Variants in TRPM6 observed in about 807,000 individuals in gnomAD.
TRPM6 encodes the protein channel kinase 2.
A neutral mutation model predicts 247.6 loss-of-function variants in TRPM6; 111 were observed. That is an observed-to-expected ratio of 0.45 (90% CI 0.38 to 0.52). TRPM6 has a LOEUF of 0.52. Ranked by LOEUF, TRPM6 falls within the 20% of genes least tolerant of loss-of-function variation. The pLI, the probability that TRPM6 is intolerant of heterozygous loss-of-function variation, is 0.00. For missense variants in TRPM6, 2,126 were observed against 2,421.5 expected, an observed-to-expected ratio of 0.88 and a Z score of 2.56; for synonymous variants, 892 against 853.8, an observed-to-expected ratio of 1.04 and a Z score of -0.78.
chr9:74,882,084 A>C (rs1831382666), intron 1 of TRPM6, among the ~76,000 whole-genome samples: 1 of 152,212 alleles, frequency 6.6e-6, no homozygotes. Context: ...GCAAGACTTC[A>C]ACTATAAAGA....
intron 11 of TRPM6, 78 bp from the exon 12 acceptor site, chr9:74,812,511 C>A: frequency 3.0e-5 from 36 of 1,189,348 alleles, no homozygotes; most frequent in East Asian, 5.8e-5. Context: ...TTTTTGAACT[C>A]AAAATTACAC....
rs1416413858 is a variant in TRPM6 at position 74,762,933 on chromosome 9, G to A, written c.3738C>T (p.Cys1246=). The change falls in exon 26 of 39, where the codon TGC becomes TGT. Residue 1246 remains cysteine, a synonymous_variant. Coordinates refer to ENST00000360774, the MANE Select transcript of TRPM6 (RefSeq NM_017662.5). ...ALLAKRKHST[C]KKLPHSWSNV... ...TGCTCCAGCTGTGGGGAAGTTTTTT[G>A]CAAGTAGAATGCTTTCTCTTGGCCA... 10 of 1,604,748 alleles carry A rather than the reference G, an allele frequency of 6.2e-6. No individual in the cohort carries two copies. The highest frequency in any genetic ancestry group is 8.5e-6 in the Non-Finnish European group (10 of 1,174,578).
chr9:74,771,546 A>C (rs1564006471), intron 25 of TRPM6, among the ~76,000 whole-genome samples, 157 bp downstream of exon 25: 1 of 152,246 alleles, frequency 6.6e-6, no homozygotes, highest in Non-Finnish European at 1.5e-5. Context: ...CTTAATAAAT[A>C]TACTTTGATT....
chr9:74,870,546 T>G (rs1830988874), intron 1 of TRPM6, among the ~76,000 whole-genome samples: 1 of 152,214 alleles, frequency 6.6e-6, no homozygotes, highest in South Asian at 2.1e-4. Flanking sequence ...TTGTTCTCCC[T>G]GGGTGAGTGA....
intron 1 of TRPM6, among the ~76,000 whole-genome samples, chr9:74,884,358 G>A (rs924574736): frequency 5.4e-5 from 8 of 148,958 alleles, no homozygotes; most frequent in African/African-American, 7.4e-5. Flanking sequence ...GCGTGGTGGC[G>A]GGTGCCTGTA....
chr9:74,852,666 AT>A (rs1333414476), intron 3 of TRPM6, among the ~76,000 whole-genome samples: 2 of 151,926 alleles, frequency 1.3e-5, no homozygotes, highest in Non-Finnish European at 2.9e-5. Context: ...TGGTTTTTGT[AT>A]TTTTTGGTGG....
intron 19 of TRPM6, 60 bp from the exon 20 acceptor site, chr9:74,788,802 G>A: frequency 2.5e-6 from 4 of 1,599,468 alleles, no homozygotes; most frequent in Non-Finnish European, 3.4e-6. Context: ...GCATGCCAAG[G>A]AGACGCAGAT....
intron 15 of TRPM6, among the ~76,000 whole-genome samples, chr9:74,803,399 A>G (rs1828414134): frequency 6.6e-6 from 1 of 152,196 alleles, no homozygotes; most frequent in Non-Finnish European, 1.5e-5. Context: ...TTAAAAAAAG[A>G]TGCAAAAAGT....
intron 1 of TRPM6, among the ~76,000 whole-genome samples, chr9:74,869,943 T>C (rs1318371152): frequency 6.6e-6 from 1 of 152,172 alleles, no homozygotes; most frequent in East Asian, 1.9e-4. Context: ...GACCTTATTA[T>C]CCATGTTCTA....
chr9:74,809,805 C>G (rs1455656992), intron 13 of TRPM6, among the ~76,000 whole-genome samples: 2 of 151,662 alleles, frequency 1.3e-5, no homozygotes, highest in Non-Finnish European at 2.9e-5. Context: ...ATGGTGAAAC[C>G]CCACGTCTAC....
At chr9:74,738,130 A>G (rs968143740) in intron 36 of TRPM6, among the ~76,000 whole-genome samples, 4 of 152,212 alleles carry the variant, frequency 2.6e-5, no homozygotes, top group African/African-American at 9.6e-5. Context: ...TAAAACTGAA[A>G]AATTTGTTAC....
intron 1 of TRPM6, chr9:74,887,194 G>T (rs1020304684): frequency 4.6e-5 from 56 of 1,230,122 alleles, no homozygotes; most frequent in African/African-American, 9.3e-5. Context: ...GCGCCGCGTT[G>T]GGGAAGGAAG....
intron 1 of TRPM6, among the ~76,000 whole-genome samples, chr9:74,881,706 T>C (rs1040269709): frequency 6.6e-6 from 1 of 152,080 alleles, no homozygotes; most frequent in Non-Finnish European, 1.5e-5. Flanking sequence ...TCAACTAATT[T>C]TTAAAAATCA....
At chr9:74,787,546 A>G (rs1827736807) in intron 20 of TRPM6, among the ~76,000 whole-genome samples, 1 of 152,218 alleles carries the variant, frequency 6.6e-6, no homozygotes, top group Non-Finnish European at 1.5e-5. Context: ...ATTAGCAGGC[A>G]ACATAGGTAT....
Position 74,788,760 on chromosome 9 carries a change from A to G in TRPM6, c.2539-18T>C, listed in dbSNP as rs769150538. 1.2e-6 allele frequency: 2 copies of G among 1,613,042 alleles called. No individual in the cohort carries two copies. The highest frequency in any genetic ancestry group is 1.7e-6 in the Non-Finnish European group (2 of 1,179,552). On this transcript the variant is annotated intron_variant, in intron 19 of 38. Transcript: ENST00000360774. ...TACGCCATCTGTGAGGGGGACACAC[A>G]TTCCCCAGATGTGAGTGAGAGCAAG...
chr9:74,877,554 C>T (rs1831231893), intron 1 of TRPM6, among the ~76,000 whole-genome samples: 1 of 152,098 alleles, frequency 6.6e-6, no homozygotes, highest in Non-Finnish European at 1.5e-5. Context: ...ATCCTGGGAC[C>T]CAACAGCCCC....
intron 1 of TRPM6, among the ~76,000 whole-genome samples, chr9:74,867,563 A>C (rs1830886856): frequency 6.6e-6 from 1 of 152,200 alleles, no homozygotes; most frequent in African/African-American, 2.4e-5. Flanking sequence ...ATCTTCATGT[A>C]CTGTATTTTA....
chr9:74,799,580 A>G (rs1828236612), intron 17 of TRPM6, among the ~76,000 whole-genome samples: 1 of 151,228 alleles, frequency 6.6e-6, no homozygotes, highest in South Asian at 2.1e-4. Context: ...ACATTGGGTA[A>G]GCAGAACAAC....
intron 13 of TRPM6, among the ~76,000 whole-genome samples, chr9:74,809,274 T>G (rs1046712848): frequency 1.3e-5 from 2 of 152,208 alleles, no homozygotes; most frequent in East Asian, 1.9e-4. Context: ...TTAGTCTAAA[T>G]GAAAATTATT....
Sources: allele counts gnomAD v4.1 joint callset (sites outside exome capture counted in the v4.1 genomes callset), GRCh38; gene constraint gnomAD v4.1.1; transcripts MANE v1.5; gene names NCBI Gene and HGNC (gene_info 2026-07-23, HGNC 2026-07-21).